Variants in PHC3 observed in about 807,000 individuals in gnomAD.
PHC3 encodes polyhomeotic-like protein 3.
Under a neutral mutation model 107.4 loss-of-function variants are expected in PHC3, and 13 were observed. That is an observed-to-expected ratio of 0.12 (90% CI 0.08 to 0.19). The LOEUF is 0.19. PHC3 is among the 10% of genes least tolerant of loss of function. PHC3 has a pLI of 1.00. For missense variants in PHC3, 992 were observed against 1,210.9 expected, an observed-to-expected ratio of 0.82 and a Z score of 2.68; for synonymous variants, 456 against 427.4, an observed-to-expected ratio of 1.07 and a Z score of -0.83.
chr3:170,173,151 C>T (rs1729885897), intron 2 of PHC3, among the ~76,000 whole-genome samples: 12 of 151,716 alleles, frequency 7.9e-5, no homozygotes. Flanking sequence ...CAAGATCATG[C>T]CACTGCACTC....
Position 170,094,613 on chromosome 3 carries a change from T to C in PHC3, c.*2617A>G, listed in dbSNP as rs556522021. The C allele has an allele frequency of 6.6e-6, 1 of 152,224 alleles. No homozygotes were observed. Among genetic ancestry groups the C allele is most frequent in the Non-Finnish European group, 1.5e-5 (1 of 68,034 alleles). The allele number at this position is 152,224 out of a possible 1,614,324, so 9.4% of individuals were successfully genotyped here. On this transcript the variant is annotated 3_prime_UTR_variant, in exon 15 of 15. Transcript: ENST00000495893. The stretch of plus-strand genomic sequence containing the variant: ...CAGTGTTGTCTATATATCCATTATA[T>C]ATAGCTGAAGCTTTGAAATTAAGAT...
intron 5 of PHC3, chr3:170,148,694 T>C (rs1306719505): frequency 6.5e-6 from 1 of 154,786 alleles, no homozygotes; most frequent in Admixed American, 6.4e-5. Context: ...TTTCACCAAA[T>C]CTAAGTTGAC....
At chr3:170,132,490 G>C (rs1722419723) in intron 7 of PHC3, among the ~76,000 whole-genome samples, 2 of 152,146 alleles carry the variant, frequency 1.3e-5, no homozygotes, top group South Asian at 4.1e-4. Flanking sequence ...AGTAACAAAG[G>C]TTAAATGAGG....
chr3:170,103,918 A>G (rs1206508015), intron 12 of PHC3, among the ~76,000 whole-genome samples: 1 of 151,982 alleles, frequency 6.6e-6, no homozygotes, highest in African/African-American at 2.4e-5. Flanking sequence ...CAAAATACAA[A>G]AACTAGCCAG....
rs540453072 is a variant in PHC3 at position 170,156,574 on chromosome 3, A to G, written c.415-7330T>C. Among the ~76,000 whole-genome samples, 79 of 151,290 alleles carry G rather than the reference A, an allele frequency of 5.2e-4. No homozygotes were observed. In the South Asian group the frequency reaches 9.0e-3, roughly 17 times the overall value. ...GACTTTTAAGTAGTAATAGCTATCC[A>G]TGAAGAATTTTCTTTTTAAGAGACT... On this transcript the variant is annotated intron_variant, in intron 4 of 14. Transcript: ENST00000495893.
chr3:170,170,566 A>G (rs1156915652), intron 4 of PHC3: 1 of 152,038 alleles, frequency 6.6e-6, no homozygotes, highest in East Asian at 1.9e-4. Flanking sequence ...TGTGGCTTCA[A>G]AAAACAATAG....
intron 4 of PHC3, among the ~76,000 whole-genome samples, chr3:170,157,374 G>A (rs371852872): frequency 1.3e-5 from 2 of 152,242 alleles, no homozygotes; most frequent in Admixed American, 1.3e-4. Flanking sequence ...GAAGACAGAC[G>A]GACTGAAAGG....
chr3:170,150,206 A>G (rs1476287394), intron 4 of PHC3, among the ~76,000 whole-genome samples: 4 of 152,162 alleles, frequency 2.6e-5, no homozygotes, highest in African/African-American at 9.7e-5. Context: ...GGAGTTTGTG[A>G]ACAAAAATTA....
At position 170,093,135 on chromosome 3, in the gene PHC3, A is replaced by G. The variant is rs890865759; in HGVS notation, c.*4095T>C. On this transcript the variant is annotated 3_prime_UTR_variant, in exon 15 of 15. Transcript: ENST00000495893. ...GAGATTGAGCAATCATTTTGCATAG[A>G]TGCGCCAGTTTCCACTGCCCAAAGG... 6.6e-6 allele frequency: 1 copy of G among 152,194 alleles called. No homozygotes were observed. Among genetic ancestry groups the G allele is most frequent in the African/African-American group, 2.4e-5 (1 of 41,446 alleles). The allele number at this position is 152,194 out of a possible 1,614,324, so 9.4% of individuals were successfully genotyped here.
At chr3:170,163,022 C>T (rs1728139850) in intron 4 of PHC3, among the ~76,000 whole-genome samples, 1 of 152,162 alleles carries the variant, frequency 6.6e-6, no homozygotes, top group East Asian at 1.9e-4. Context: ...TTCTCTTTCA[C>T]TTACCATCAT....
chr3:170,135,909 G>C (rs771930814), intron 7 of PHC3, among the ~76,000 whole-genome samples: 2 of 152,144 alleles, frequency 1.3e-5, no homozygotes, highest in Non-Finnish European at 2.9e-5. Context: ...AGCTTGAGAA[G>C]AATGACAGTG....
intron 4 of PHC3, 55 bp from the exon 5 acceptor site, chr3:170,149,299 T>C: frequency 2.0e-6 from 3 of 1,525,816 alleles, no homozygotes; most frequent in Non-Finnish European, 2.7e-6. Flanking sequence ...TCCATGTTAC[T>C]GAATTTCACA....
At chr3:170,157,974 G>A (rs1278966249) in intron 4 of PHC3, among the ~76,000 whole-genome samples, 1 of 151,732 alleles carries the variant, frequency 6.6e-6, no homozygotes, top group African/African-American at 2.4e-5. Context: ...TTTAAAAATG[G>A]TAGAACATTA....
In PHC3 at chr3:170,106,932, T is replaced by C. The variant is rs750964749; in HGVS notation, c.2368A>G (p.Met790Val). Residue 790 changes from methionine to valine, a missense_variant, in exon 12 of 15, where the codon ATG (methionine) becomes GTG (valine). By Grantham distance (21) the Met-to-Val change is conservative. Transcript: ENST00000495893. Reference sequence around the variant, plus strand: ...TCACACTTGAGCAACTCACTGTCCATTTCTTCTAATGTCTCTAAAAAAGAA... The same window carrying C: ...TCACACTTGAGCAACTCACTGTCCACTTCTTCTAATGTCTCTAAAAAAGAA... ...DMIAEETLEEMDSELLKCEFC... is the reference protein window; with the variant it reads ...DMIAEETLEEVDSELLKCEFC... 13 of 1,602,682 alleles carry C rather than the reference T, an allele frequency of 8.1e-6. No homozygotes were observed. In the Admixed American group the frequency reaches 2.1e-4, roughly 26 times the overall value.
chr3:170,171,098 C>T, intron 4 of PHC3: 2 of 472,282 alleles, frequency 4.2e-6, no homozygotes, highest in East Asian at 7.1e-5. Flanking sequence ...GCTTTCAATA[C>T]ACACAGAAAG....
At chr3:170,148,319 G>A (rs1410410364) in intron 5 of PHC3, 1 of 152,044 alleles carries the variant, frequency 6.6e-6, no homozygotes, top group East Asian at 1.9e-4. Flanking sequence ...TGGAGATCCA[G>A]ATATATATTC....
chr3:170,179,862 C>T (rs1731099025), intron 1 of PHC3, among the ~76,000 whole-genome samples: 1 of 152,120 alleles, frequency 6.6e-6, no homozygotes, highest in Non-Finnish European at 1.5e-5. Context: ...CAGAAATGTA[C>T]CTCGAAGGTG....
chr3:170,136,703 A>C, intron 6 of PHC3, 38 bp from the exon 7 acceptor site: 1 of 1,597,714 alleles, frequency 6.3e-7, no homozygotes, highest in South Asian at 1.1e-5. Flanking sequence ...ATGAAAACAG[A>C]TGGTTTTAAT....
chr3:170,150,698 G>C, intron 4 of PHC3: 1 of 426,278 alleles, frequency 2.3e-6, no homozygotes. Flanking sequence ...GGGCGACAGA[G>C]CGACACTCCA....
Sources: gnomAD v4.1 joint callset for allele counts (sites outside exome capture counted in the v4.1 genomes callset) on GRCh38, gnomAD v4.1.1 for gene constraint, MANE v1.5 for transcripts, NCBI Gene and HGNC (gene_info 2026-07-23, HGNC 2026-07-21) for gene names.